The following CARD14 variants were observed in gnomAD, a reference collection of about 807,000 sequenced individuals.
CARD14 encodes caspase recruitment domain family member 14, also known as caspase recruitment domain-containing protein 14.
A neutral mutation model predicts 111.5 loss-of-function variants in CARD14; 107 were observed. That is an observed-to-expected ratio of 0.96 (90% CI 0.82 to 1.13). The LOEUF is 1.13. Ranked by LOEUF, CARD14 falls within the 50% of genes most tolerant of loss-of-function variation. CARD14 has a pLI of 0.00. For synonymous variants in CARD14, 617 were observed against 579.6 expected, an observed-to-expected ratio of 1.06 and a Z score of -0.93; for missense variants, 1,322 against 1,362.3, an observed-to-expected ratio of 0.97 and a Z score of 0.47.
In CARD14 at chr17:80,198,794, G is replaced by A. The variant is rs201661624; in HGVS notation, c.1851+203G>A. On this transcript the variant is annotated intron_variant, in intron 16 of 23. Transcript: ENST00000648509. The surrounding 1 kb of genome is among the most constrained non-coding windows in gnomAD (Gnocchi z 7.5). ...CCGTGCAGAACCCAGCATGTCACCC[G>A]TGGTGCTGCTGCCATGCGGCGCTTC... 42 of 1,490,344 alleles carry A rather than the reference G, an allele frequency of 2.8e-5. No individual in the cohort carries two copies. Among genetic ancestry groups the A allele is most frequent in the South Asian group, 8.2e-5 (6 of 72,760 alleles). The allele number at this position is 1,490,344 out of a possible 1,614,324, so 92.3% of individuals were successfully genotyped here.
intron 2 of CARD14, among the ~76,000 whole-genome samples, chr17:80,177,760 G>T (rs2040060956): frequency 6.6e-6 from 1 of 152,036 alleles, no homozygotes; most frequent in Admixed American, 6.6e-5. Context: ...GCCCAGGCTG[G>T]TCTCAAACTC....
intron 1 of CARD14, among the ~76,000 whole-genome samples, chr17:80,171,464 T>A (rs1476582788): frequency 6.6e-6 from 1 of 151,972 alleles, no homozygotes; most frequent in Non-Finnish European, 1.5e-5. Flanking sequence ...ATTACAGGCC[T>A]GAGCCACTGT....
intron 2 of CARD14, among the ~76,000 whole-genome samples, chr17:80,175,608 G>A (rs189135477): frequency 2.0e-3 from 303 of 152,310 alleles, no homozygotes; most frequent in Non-Finnish European, 3.2e-3. Flanking sequence ...AAGCCAAGGG[G>A]ATGGAAGGGA....
At chr17:80,171,192 TCCC>T (rs1160924665) in intron 1 of CARD14, among the ~76,000 whole-genome samples, 23 of 25,812 alleles carry the variant, frequency 8.9e-4, no homozygotes, top group Admixed American at 1.7e-3. Flanking sequence ...CCTCCCTCCC[TCCC>T]TCCCTCCCTC....
intron 12 of CARD14, among the ~76,000 whole-genome samples, chr17:80,193,307 CG>C (rs2040587732): frequency 6.7e-6 from 1 of 148,886 alleles, no homozygotes; most frequent in Admixed American, 6.6e-5. Flanking sequence ...GGACCCAATT[CG>C]ACCTGGCACA....
intron 2 of CARD14, 102 bp downstream of exon 2, chr17:80,173,330 G>GCGCA (rs1184035741): frequency 7.0e-6 from 1 of 143,054 alleles, no homozygotes; most frequent in East Asian, 2.2e-4. Context: ...ACACACGCGC[G>GCGCA]CGCGCGCGCG....
intron 17 of CARD14, 49 bp from the exon 18 acceptor site, chr17:80,202,131 A>G: frequency 9.2e-6 from 14 of 1,516,888 alleles, no homozygotes; most frequent in Non-Finnish European, 1.3e-5. Flanking sequence ...CCTTCCTCGC[A>G]GAGGCTCGTA....
rs931477418 is a variant in CARD14 at position 80,201,815 on chromosome 17, G to C, written c.1923G>C (p.Gly641=). 3.8e-5 allele frequency: 61 copies of C among 1,613,858 alleles called. No individual in the cohort carries two copies. The highest frequency in any genetic ancestry group is 1.3e-4 in the Admixed American group (8 of 59,990). The part of the protein sequence containing the change: ...LEDTTLEEAV[G]LLRRVDGFCC... The stretch of plus-strand genomic sequence containing the variant: ...ACACGACCCTGGAGGAGGCCGTGGG[G>C]CTTCTCAGGAGGGTGGACGGCTTCT... The change falls in exon 17 of 24, where the codon GGG becomes GGC. Residue 641 remains glycine, a synonymous_variant. Transcript: ENST00000648509. The surrounding 1 kb of genome is among the most constrained non-coding windows in gnomAD (Gnocchi z 5.0).
At chr17:80,194,691 G>T (rs966497901) in intron 12 of CARD14, among the ~76,000 whole-genome samples, 1 of 152,168 alleles carries the variant, frequency 6.6e-6, no homozygotes, top group Non-Finnish European at 1.5e-5. Context: ...CGGCAGGAGA[G>T]AGAATGAGTG....
intron 7 of CARD14, chr17:80,187,916 G>A (rs374433439): frequency 2.2e-5 from 22 of 985,774 alleles, no homozygotes; most frequent in Admixed American, 6.1e-5. Context: ...CCGGTCCCGC[G>A]TTCCCAGGCA....
chr17:80,185,728 G>C (rs1364865133), intron 7 of CARD14, among the ~76,000 whole-genome samples: 1 of 152,182 alleles, frequency 6.6e-6, no homozygotes, highest in African/African-American at 2.4e-5. Context: ...CTTCATTTGG[G>C]AACAGCCCAC....
At position 80,189,207 on chromosome 17, in the gene CARD14, G is replaced by A. The variant is rs182874883; in HGVS notation, c.844-546G>A. ...AAACCTTTCTGCCTGGAAAGACTCC[G>A]CCCTCTGGGCCTCAGGTGCACTGGA... On this transcript the variant is annotated intron_variant, in intron 8 of 23. Transcript: ENST00000648509. This position sits in a 1 kb window ranked among gnomAD's most constrained non-coding sequence, Gnocchi z 4.7. Among the ~76,000 whole-genome samples the A allele has an allele frequency of 5.3e-4, 81 of 152,298 alleles. No individual in the cohort carries two copies. Among genetic ancestry groups the A allele is most frequent in the African/African-American group, 1.2e-3 (51 of 41,564 alleles).
rs1567866149 is a variant in CARD14, at chr17:80,178,513, TC to T, written c.-359del. 1 of 152,324 alleles carries T rather than the reference TC, an allele frequency of 6.6e-6. No individual in the cohort carries two copies. The highest frequency in any genetic ancestry group is 1.5e-5 in the Non-Finnish European group (1 of 68,162). The allele number at this position is 152,324 out of a possible 1,614,324, so 9.4% of individuals were successfully genotyped here. A position where few individuals can be genotyped will look rare whatever the true frequency, so the allele number is the denominator to read the frequency against. ...TGGTGCTGCTTTGACTTCAGGCTCT[TC>T]CTTCTGCCCAGCTCCGTCCCACCCA... On this transcript the variant is annotated 5_prime_UTR_variant, in exon 3 of 24. Transcript: ENST00000648509.
rs769045604 is a variant in CARD14, at chr17:80,198,168, C to T, written c.1658+6C>T. 8 of 1,613,660 alleles carry T rather than the reference C, an allele frequency of 5.0e-6. No individual in the cohort carries two copies. The South Asian group carries it at 8.8e-5, about 18-fold the overall frequency. ...AGGCTTGATGTCTCGGAGAGGTAAG[C>T]AGCAGGTGGGAATCCTCCGAGGCTG... On this transcript the variant is annotated splice_donor_region_variant and intron_variant, in intron 15 of 23. Transcript: ENST00000648509. The surrounding 1 kb of genome is among the most constrained non-coding windows in gnomAD (Gnocchi z 7.5).
intron 18 of CARD14, 58 bp downstream of exon 18, chr17:80,202,478 C>A (rs954302055): frequency 8.2e-6 from 13 of 1,579,810 alleles, no homozygotes; most frequent in Non-Finnish European, 1.7e-6. Context: ...GAAATGGCAC[C>A]CAGCCTGCCT....
Position 80,208,450 on chromosome 17 carries a change from C to A in CARD14, c.*105C>A, listed in dbSNP as rs1019975432. On this transcript the variant is annotated 3_prime_UTR_variant, in exon 24 of 24. Coordinates refer to ENST00000648509, the MANE Select transcript of CARD14 (RefSeq NM_001366385.1). ...TGGCACAGCTGTGGGCTCCTTGGCA[C>A]ATGAGGCCGGCTCTCCCCACTGGCT... is the stretch of plus-strand genomic sequence containing the variant. 6.4e-6 allele frequency: 7 copies of A among 1,088,992 alleles called. No individual in the cohort carries two copies. In the African/African-American group the frequency reaches 7.9e-5, roughly 12 times the overall value. 67.5% of individuals were successfully genotyped at this position (1,088,992 alleles called of 1,614,324 possible). A position where few individuals can be genotyped will look rare whatever the true frequency, so the allele number is the denominator to read the frequency against.
chr17:80,199,090 G>C (rs376621086), intron 16 of CARD14, among the ~76,000 whole-genome samples: 35 of 152,116 alleles, frequency 2.3e-4, no homozygotes, highest in African/African-American at 7.0e-4. Context: ...GCTGGGACCA[G>C]ACCACAAGCA....
At chr17:80,193,019 G>T (rs2040577624) in intron 12 of CARD14, among the ~76,000 whole-genome samples, 1 of 152,152 alleles carries the variant, frequency 6.6e-6, no homozygotes, top group African/African-American at 2.4e-5. Context: ...CAAAGTGCTG[G>T]GATTACAGGC....
chr17:80,187,836 A>G, intron 7 of CARD14: 1 of 985,456 alleles, frequency 1.0e-6, no homozygotes, highest in South Asian at 4.7e-5. Flanking sequence ...CTGGTGGGAT[A>G]GTCCCTGGAA....
Sources: allele counts gnomAD v4.1 joint callset (sites outside exome capture counted in the v4.1 genomes callset), GRCh38; gene constraint gnomAD v4.1.1; non-coding constraint Gnocchi (gnomAD v3.1); transcripts MANE v1.5; gene names NCBI Gene and HGNC (gene_info 2026-07-23, HGNC 2026-07-21).